Variants in CFAP54 observed in about 807,000 individuals in gnomAD.
The protein encoded by CFAP54 is cilia- and flagella-associated protein 54.
CFAP54 carries 290 observed loss-of-function variants against 370.4 expected under a neutral mutation model. That is an observed-to-expected ratio of 0.78 (90% CI 0.71 to 0.86). CFAP54 has a LOEUF of 0.86. Ranked by LOEUF, CFAP54 falls within the 40% of genes least tolerant of loss-of-function variation. The pLI is 0.00. For missense variants in CFAP54, 3,399 were observed against 3,528.7 expected (o/e 0.96, Z 0.93); for synonymous variants, 1,206 against 1,236.5 (o/e 0.98, Z 0.52).
At chr12:96,820,132 A>T (rs545923261) in intron 65 of CFAP54, among the ~76,000 whole-genome samples, 1 of 152,116 alleles carries the variant, frequency 6.6e-6, no homozygotes, top group African/African-American at 2.4e-5. Context: ...CTCTTGCCTC[A>T]CTCTGCTGAT....
chr12:96,792,536 A>G, intron 63 of CFAP54, 37 bp downstream of exon 63: 1 of 1,460,324 alleles, frequency 6.8e-7, no homozygotes, highest in Non-Finnish European at 9.1e-7. Flanking sequence ...TATTTCATTT[A>G]TATATAAAGC....
At chr12:96,652,767 G>C (rs1956875845) in intron 36 of CFAP54, among the ~76,000 whole-genome samples, 1 of 151,992 alleles carries the variant, frequency 6.6e-6, no homozygotes, top group Admixed American at 6.6e-5. Flanking sequence ...TGAATATAAA[G>C]AAACAGGTAG....
In CFAP54 at chr12:96,830,946, G is replaced by T. The variant is rs533270709; in HGVS notation, c.9171+1858G>T. On this transcript the variant is annotated intron_variant, in intron 66 of 67. Transcript: ENST00000524981. ...CTGCCTTGGTTTCCCAATGTGCTGG[G>T]ATTACAGGTGTGAACCGCTGAGCCC... Among the ~76,000 whole-genome samples the T allele has an allele frequency of 2.5e-4, 38 of 152,190 alleles. No individual in the cohort carries two copies. In the East Asian group the frequency reaches 4.2e-3, roughly 17 times the overall value.
At chr12:96,682,392 A>T in intron 40 of CFAP54, 1 of 818,176 alleles carries the variant, frequency 1.2e-6, no homozygotes, top group Non-Finnish European at 1.5e-6. Context: ...TTTTGAGACG[A>T]GGTCTCATTT....
Position 96,708,599 on chromosome 12 carries a change from A to G in CFAP54, c.6529-9A>G. The G allele has an allele frequency of 6.3e-7, 1 of 1,578,450 alleles. No homozygotes were observed. Among genetic ancestry groups the G allele is most frequent in the Non-Finnish European group, 8.5e-7 (1 of 1,170,612 alleles). On this transcript the variant is annotated splice_polypyrimidine_tract_variant and intron_variant, in intron 47 of 67. Transcript: ENST00000524981. ...TAATTTGCTCTTTTTCCTTTTTTCC[A>G]TTTTTTAGGCAATTGATGAATTAAG...
rs1274880992 is a variant in CFAP54, at chr12:96,683,101, T to C, written c.5717-1547T>C. Among the ~76,000 whole-genome samples the C allele has an allele frequency of 3.3e-5, 5 of 152,248 alleles. No individual in the cohort carries two copies. The East Asian group carries it at 9.6e-4, about 29-fold the overall frequency. ...TATTTCCTGAAATAAAATTTGTATTTAATATATTCTTCTTATACACATTAT... is the reference window on the plus strand; with the variant it reads ...TATTTCCTGAAATAAAATTTGTATTCAATATATTCTTCTTATACACATTAT... On this transcript the variant is annotated intron_variant, in intron 40 of 67. Transcript: ENST00000524981.
chr12:96,725,802 G>A (rs1490376031), intron 50 of CFAP54, among the ~76,000 whole-genome samples: 1 of 151,976 alleles, frequency 6.6e-6, no homozygotes, highest in African/African-American at 2.4e-5. Flanking sequence ...GTATGATATT[G>A]GCTGTGGGTT....
chr12:96,771,994 A>G lies in CFAP54; in HGVS notation c.8281+6776A>G, dbSNP rs556472421. 3.9e-4 allele frequency among the ~76,000 whole-genome samples: 60 copies of G among 152,350 alleles called. No homozygotes were observed. The South Asian group carries it at 0.012, about 29-fold the overall frequency. ...GAAAAAGAAAGTTTTCTAAAAAGGAACAAACACTGAACTGTTCTTAGTTTT... is the reference window on the plus strand; with the variant it reads ...GAAAAAGAAAGTTTTCTAAAAAGGAGCAAACACTGAACTGTTCTTAGTTTT... On this transcript the variant is annotated intron_variant, in intron 60 of 67. Coordinates refer to ENST00000524981, the MANE Select transcript of CFAP54 (RefSeq NM_001306084.2).
chr12:96,578,561 T>C (rs1956002713), intron 20 of CFAP54, among the ~76,000 whole-genome samples: 1 of 152,230 alleles, frequency 6.6e-6, no homozygotes, highest in Non-Finnish European at 1.5e-5. Context: ...GATTAGTTTA[T>C]TTCATTTCAT....
intron 50 of CFAP54, among the ~76,000 whole-genome samples, chr12:96,728,178 T>C (rs1367782504): frequency 6.6e-6 from 1 of 151,928 alleles, no homozygotes; most frequent in Non-Finnish European, 1.5e-5. Flanking sequence ...TCTCGAGGAG[T>C]ATCTTTGTGG....
At chr12:96,733,326 G>C (rs775853843) in intron 50 of CFAP54, among the ~76,000 whole-genome samples, 2 of 152,060 alleles carry the variant, frequency 1.3e-5, no homozygotes, top group East Asian at 3.9e-4. Context: ...TTAAATGATG[G>C]TTAGCTTGAC....
intron 39 of CFAP54, among the ~76,000 whole-genome samples, chr12:96,664,800 T>G (rs12320814): frequency 7.9e-5 from 3 of 37,752 alleles, no homozygotes; most frequent in African/African-American, 1.5e-4. Flanking sequence ...TATATATATA[T>G]ATATATATAT....
chr12:96,860,703 C>T, intron 66 of CFAP54, 116 bp from the exon 67 acceptor site: 4 of 1,078,142 alleles, frequency 3.7e-6, no homozygotes, highest in Non-Finnish European at 5.1e-6. Flanking sequence ...ACCTGAGACA[C>T]ACAAGTTAGC....
intron 36 of CFAP54, among the ~76,000 whole-genome samples, chr12:96,656,116 AG>A (rs1357029779): frequency 1.3e-5 from 2 of 152,160 alleles, no homozygotes; most frequent in African/African-American, 4.8e-5. Flanking sequence ...TTTAATAAAA[AG>A]TTTTTAAAAA....
intron 14 of CFAP54, among the ~76,000 whole-genome samples, chr12:96,546,062 A>G (rs59194368): frequency 0.1 from 15,310 of 152,216 alleles, 1,257 homozygotes; most frequent in East Asian, 0.45. Flanking sequence ...GGTCACAGGA[A>G]CTTTAGTTTG....
intron 22 of CFAP54, among the ~76,000 whole-genome samples, chr12:96,588,608 A>G (rs948234209): frequency 6.6e-6 from 1 of 152,152 alleles, no homozygotes; most frequent in African/African-American, 2.4e-5. Context: ...TATTCCCTGG[A>G]GTGGAGAATA....
chr12:96,749,022 T>C (rs1196355061), intron 55 of CFAP54, among the ~76,000 whole-genome samples: 2 of 152,236 alleles, frequency 1.3e-5, no homozygotes, highest in Non-Finnish European at 2.9e-5. Context: ...TTAACTTCTT[T>C]GTGCCTTAAT....
intron 9 of CFAP54, 73 bp downstream of exon 9, chr12:96,527,517 TC>T: frequency 1.0e-6 from 1 of 961,024 alleles, no homozygotes; most frequent in Non-Finnish European, 1.5e-6. Context: ...AACATGGTAG[TC>T]CATACATAGG....
At chr12:96,848,121 G>A (rs1418446886) in intron 66 of CFAP54, among the ~76,000 whole-genome samples, 2 of 152,058 alleles carry the variant, frequency 1.3e-5, no homozygotes, top group Non-Finnish European at 2.9e-5. Flanking sequence ...CTGTTGCCCA[G>A]GCTGTAGTAC....
Sources: gnomAD v4.1 joint callset for allele counts (sites outside exome capture counted in the v4.1 genomes callset) on GRCh38, gnomAD v4.1.1 for gene constraint, MANE v1.5 for transcripts, NCBI Gene and HGNC (gene_info 2026-07-23, HGNC 2026-07-21) for gene names.